NOMO1: variants seen among roughly 807,000 people sequenced by gnomAD.
The protein encoded by NOMO1 is nodal modulator 3.
NOMO1 carries 40 observed loss-of-function variants against 133.8 expected under a neutral mutation model. The observed-to-expected ratio is 0.30, with a 90% CI of 0.23 to 0.39. The LOEUF (loss-of-function observed/expected upper bound fraction) is 0.39, where lower values mean the gene tolerates loss of function less well. NOMO1 is among the 10% of genes least tolerant of loss of function. NOMO1 has a pLI of 1.00. For synonymous variants in NOMO1, 236 were observed against 570.5 expected, an observed-to-expected ratio of 0.41 and a Z score of 8.36; for missense variants, 462 against 1,419.9, an observed-to-expected ratio of 0.33 and a Z score of 10.84.
chr16:14,868,274 A>G (rs1210683202), intron 15 of NOMO1, among the ~76,000 whole-genome samples: 2 of 133,364 alleles, frequency 1.5e-5, no homozygotes, highest in African/African-American at 5.8e-5. Context: ...GTATTAGAAC[A>G]TAAGCCCTGT....
At chr16:14,834,687 GTT>G (rs71254287) in intron 1 of NOMO1, among the ~76,000 whole-genome samples, 2,420 of 127,528 alleles carry the variant, frequency 0.019, 95 homozygotes, top group African/African-American at 0.034. Flanking sequence ...TGTGCTGAAG[GTT>G]TTTTTTTTTT....
rs141860762 is a variant in NOMO1, at chr16:14,864,666, A to C, written c.1477A>C (p.Met493Leu). ...TFPLTVTNRP[M>L]MDVAFVQFLA... ...TCCTCTTACTGTGACCAACAGGCCC[A>C]TGATGGATGTGGCCTTTGTACAGTT... is the stretch of plus-strand genomic sequence containing the variant. The change falls in exon 13 of 31, where the codon ATG becomes CTG. Residue 493 changes from methionine (M) to leucine (L), a missense_variant. Physicochemically the swap from Met to Leu is conservative, Grantham distance 15. Coordinates refer to ENST00000287667, the MANE Select transcript of NOMO1 (RefSeq NM_014287.4). 51 of 1,609,040 alleles carry C rather than the reference A, an allele frequency of 3.2e-5. No homozygotes were observed. The highest frequency in any genetic ancestry group is 3.8e-5 in the Non-Finnish European group (45 of 1,178,532).
intron 24 of NOMO1, among the ~76,000 whole-genome samples, chr16:14,880,480 C>T (rs976682276): frequency 1.3e-5 from 2 of 151,832 alleles, no homozygotes; most frequent in Non-Finnish European, 2.9e-5. Flanking sequence ...CAACCTCTGC[C>T]TCCTGGGTTC....
intron 4 of NOMO1, among the ~76,000 whole-genome samples, chr16:14,846,056 T>C: frequency 7.5e-6 from 1 of 133,232 alleles, no homozygotes; most frequent in South Asian, 2.7e-4. Flanking sequence ...AGATGGAGTC[T>C]CCCTCTGTCG....
At chr16:14,885,030 T>A (rs1964303086) in intron 27 of NOMO1, among the ~76,000 whole-genome samples, 1 of 151,930 alleles carries the variant, frequency 6.6e-6, no homozygotes, top group Admixed American at 6.6e-5. Flanking sequence ...AGCAGGCATG[T>A]CATGTGGGAG....
rs1214566222 is a variant in NOMO1 at position 14,833,798 on chromosome 16, G to T, written c.-54G>T. ...GAGGAAGGAGCCTGCGGCGTGCAGT[G>T]TGAGGGGCGGGACCCGGCTGCCGGC... On this transcript the variant is annotated 5_prime_UTR_variant, in exon 1 of 31. Coordinates refer to ENST00000287667, the MANE Select transcript of NOMO1 (RefSeq NM_014287.4). 2.3e-6 allele frequency: 1 copy of T among 426,432 alleles called. No homozygotes were observed. Among genetic ancestry groups the T allele is most frequent in the Non-Finnish European group, 4.1e-6 (1 of 244,530 alleles). The allele number at this position is 426,432 out of a possible 1,614,324, so 26.4% of individuals were successfully genotyped here. A position where few individuals can be genotyped will look rare whatever the true frequency, so the allele number is the denominator to read the frequency against.
At chr16:14,860,614 C>T (rs1963910188) in intron 11 of NOMO1, among the ~76,000 whole-genome samples, 2 of 151,872 alleles carry the variant, frequency 1.3e-5, no homozygotes, top group Admixed American at 6.6e-5. Context: ...ATGGAGAACA[C>T]ACCCACAGGC....
intron 11 of NOMO1, among the ~76,000 whole-genome samples, chr16:14,862,042 C>T (rs1297203076): frequency 6.6e-6 from 1 of 151,656 alleles, no homozygotes; most frequent in Admixed American, 6.6e-5. Context: ...ACACAATCTT[C>T]CACCATTTCC....
chr16:14,874,403 A>G (rs1234132908), intron 18 of NOMO1, among the ~76,000 whole-genome samples: 1 of 151,956 alleles, frequency 6.6e-6, no homozygotes, highest in East Asian at 1.9e-4. Flanking sequence ...TGCACTTGGC[A>G]TCGCTTTTCC....
chr16:14,857,622 A>G lies in NOMO1; in HGVS notation c.1187A>G (p.Asn396Ser), dbSNP rs781690410. The G allele has an allele frequency of 1.2e-6, 2 of 1,613,610 alleles. No homozygotes were observed. Among genetic ancestry groups the G allele is most frequent in the Non-Finnish European group, 8.5e-7 (1 of 1,179,826 alleles). ...ACGGTCACCATCAAAATTGCACCGAACACACCTCAGCTGGCTGACATTATT... is the reference window on the plus strand; with the variant it reads ...ACGGTCACCATCAAAATTGCACCGAGCACACCTCAGCTGGCTGACATTATT... ...FETVTIKIAP[N>S]TPQLADIIAT... Residue 396 changes from asparagine to serine, a missense_variant, in exon 11 of 31, where the codon AAC (asparagine) becomes AGC (serine). Coordinates refer to ENST00000287667, the MANE Select transcript of NOMO1 (RefSeq NM_014287.4).
At chr16:14,889,270 G>A (rs1365156145) in intron 29 of NOMO1, 55 bp downstream of exon 29, 11 of 1,611,496 alleles carry the variant, frequency 6.8e-6, no homozygotes, top group Admixed American at 1.7e-5. Flanking sequence ...GGTGGCTCAC[G>A]CCTGTAATCC....
chr16:14,845,896 C>G (rs11645340), intron 4 of NOMO1, among the ~76,000 whole-genome samples: 20,433 of 151,570 alleles, frequency 0.13, 1,782 homozygotes, highest in Middle Eastern at 0.22. Flanking sequence ...AGCGCAGTCT[C>G]TCTCACCACA....
intron 11 of NOMO1, among the ~76,000 whole-genome samples, chr16:14,861,911 G>A (rs889882236): frequency 6.8e-6 from 1 of 147,342 alleles, no homozygotes; most frequent in African/African-American, 2.5e-5. Flanking sequence ...TACACAAACG[G>A]GAGGGGGGTC....
intron 18 of NOMO1, among the ~76,000 whole-genome samples, chr16:14,873,535 G>A (rs942885800): frequency 4.1e-5 from 6 of 147,746 alleles, no homozygotes; most frequent in East Asian, 4.0e-4. Context: ...GTGATGGGGA[G>A]CCAGGTTTTT....
intron 18 of NOMO1, among the ~76,000 whole-genome samples, chr16:14,874,111 C>G (rs551203161): frequency 8.8e-5 from 13 of 146,958 alleles, no homozygotes; most frequent in South Asian, 2.2e-4. Context: ...GTCTGACCCC[C>G]CTCTGGGGTC....
chr16:14,871,140 C>G (rs562326025), intron 16 of NOMO1, among the ~76,000 whole-genome samples: 19 of 151,736 alleles, frequency 1.3e-4, no homozygotes, highest in African/African-American at 4.6e-4. Flanking sequence ...GTACCCCTAG[C>G]CGGAGTGTCC....
intron 16 of NOMO1, among the ~76,000 whole-genome samples, chr16:14,868,851 C>A (rs868569736): frequency 5.3e-5 from 8 of 151,282 alleles, no homozygotes; most frequent in Middle Eastern, 3.2e-3. Context: ...TGGCCAATGG[C>A]CTCTCTTTAT....
intron 27 of NOMO1, among the ~76,000 whole-genome samples, chr16:14,885,683 C>G (rs1281668201): frequency 2.6e-5 from 4 of 151,614 alleles, no homozygotes; most frequent in Non-Finnish European, 5.9e-5. Context: ...CTGGGGAACT[C>G]CTGCCCCATC....
intron 8 of NOMO1, 42 bp downstream of exon 8, chr16:14,853,646 T>C (rs756389218): frequency 1.9e-6 from 3 of 1,611,540 alleles, no homozygotes; most frequent in South Asian, 2.2e-5. Context: ...TCTGAGACTC[T>C]CATGACACAG....
Sources: allele counts gnomAD v4.1 joint callset (sites outside exome capture counted in the v4.1 genomes callset), GRCh38; gene constraint gnomAD v4.1.1; transcripts MANE v1.5; gene names NCBI Gene and HGNC (gene_info 2026-07-23, HGNC 2026-07-21).